H6PD: variants seen among roughly 807,000 people sequenced by gnomAD.
The protein encoded by H6PD is GDH/6PGL endoplasmic bifunctional protein.
In H6PD, 48 loss-of-function variants were observed where a neutral mutation model predicts 61.2. The observed-to-expected ratio is 0.78, with a 90% CI of 0.62 to 1.00. The LOEUF is 1.00. Ranked by LOEUF, H6PD falls within the 50% of genes least tolerant of loss-of-function variation. The pLI is 0.00. For missense variants in H6PD, 1,093 were observed against 1,065.0 expected (o/e 1.03, Z -0.37); for synonymous variants, 480 against 457.9 (o/e 1.05, Z -0.62).
chr1:9,262,952 C>T (rs528762747), intron 4 of H6PD, among the ~76,000 whole-genome samples: 2 of 152,318 alleles, frequency 1.3e-5, no homozygotes, highest in Admixed American at 6.5e-5. Flanking sequence ...ATGAACCAGG[C>T]TTGGAACTTG....
intron 1 of H6PD, among the ~76,000 whole-genome samples, chr1:9,243,867 C>CGAG (rs59754414): frequency 9.1e-6 from 1 of 109,784 alleles, no homozygotes; most frequent in African/African-American, 2.8e-5. Flanking sequence ...GAGGAAGAGG[C>CGAG]GGGGGCGGTG....
intron 1 of H6PD, among the ~76,000 whole-genome samples, chr1:9,238,603 A>T (rs1355967040): frequency 6.6e-6 from 1 of 152,244 alleles, no homozygotes; most frequent in African/African-American, 2.4e-5. Context: ...ACCTGGAAAG[A>T]TAGAGTTGTC....
chr1:9,237,150 G>A lies in H6PD; in HGVS notation c.-11+2084G>A, dbSNP rs149228685. On this transcript the variant is annotated intron_variant, in intron 1 of 4. Transcript: ENST00000377403. ...ATTCAGGGATGTAGTCACATTTTACGGGAAGGTTAGCTCTGGGACCAGACT... is the reference window on the plus strand; with the variant it reads ...ATTCAGGGATGTAGTCACATTTTACAGGAAGGTTAGCTCTGGGACCAGACT... 1.0e-3 allele frequency among the ~76,000 whole-genome samples: 158 copies of A among 151,768 alleles called. 3 individuals carry two copies. The highest frequency in any genetic ancestry group is 3.5e-3 in the African/African-American group (145 of 41,376).
chr1:9,259,297 T>G (rs1021589615), intron 3 of H6PD, among the ~76,000 whole-genome samples: 1 of 152,074 alleles, frequency 6.6e-6, no homozygotes, highest in African/African-American at 2.4e-5. Flanking sequence ...CACACCGGTG[T>G]TGTTATGTTG....
intron 1 of H6PD, among the ~76,000 whole-genome samples, chr1:9,239,060 T>TG (rs1640924498): frequency 6.6e-6 from 1 of 152,096 alleles, no homozygotes; most frequent in Non-Finnish European, 1.5e-5. Flanking sequence ...ATGGTTTTTT[T>TG]TTTTGAGACA....
chr1:9,243,311 CTT>C (rs1025134543), intron 1 of H6PD, among the ~76,000 whole-genome samples: 46 of 152,180 alleles, frequency 3.0e-4, no homozygotes, highest in Admixed American at 7.2e-4. Flanking sequence ...TAAGTTATCT[CTT>C]TAAACCTCAA....
intron 3 of H6PD, among the ~76,000 whole-genome samples, chr1:9,257,777 C>T (rs1641565206): frequency 6.6e-6 from 1 of 152,224 alleles, no homozygotes; most frequent in African/African-American, 2.4e-5. Context: ...AAACAAATCC[C>T]AGGTTAGGGG....
chr1:9,244,846 G>A, intron 1 of H6PD, 79 bp from the exon 2 acceptor site: 1 of 1,301,050 alleles, frequency 7.7e-7, no homozygotes, highest in African/African-American at 1.4e-5. Flanking sequence ...CAGGCAGGAA[G>A]TGTTTGTTTC....
intron 3 of H6PD, among the ~76,000 whole-genome samples, chr1:9,251,098 GT>G (rs1001728477): frequency 6.6e-6 from 1 of 152,182 alleles, no homozygotes; most frequent in African/African-American, 2.4e-5. Context: ...CCTGGCTGGG[GT>G]CTCGAAGCAG....
At chr1:9,238,985 G>A (rs1195017131) in intron 1 of H6PD, among the ~76,000 whole-genome samples, 2 of 152,072 alleles carry the variant, frequency 1.3e-5, no homozygotes, top group African/African-American at 4.8e-5. Context: ...AGATATTAGT[G>A]AAATGTAGTC....
At chr1:9,243,691 C>A (rs1229027846) in intron 1 of H6PD, among the ~76,000 whole-genome samples, 2 of 152,200 alleles carry the variant, frequency 1.3e-5, no homozygotes, top group African/African-American at 2.4e-5. Context: ...CCACCTTAGG[C>A]CTCTACTTCT....
At chr1:9,244,092 T>C (rs1396752970) in intron 1 of H6PD, among the ~76,000 whole-genome samples, 1 of 152,322 alleles carries the variant, frequency 6.6e-6, no homozygotes, top group African/African-American at 2.4e-5. Context: ...TCAGGATTCT[T>C]GTCTGGATTC....
intron 3 of H6PD, among the ~76,000 whole-genome samples, chr1:9,256,736 A>G (rs1641530841): frequency 6.6e-6 from 1 of 152,244 alleles, no homozygotes; most frequent in African/African-American, 2.4e-5. Context: ...ATACAGAACT[A>G]TGGTATAAGA....
rs1638418623 is a variant in H6PD, at chr1:9,263,653, C to T, written c.1160C>T (p.Ala387Val). The T allele has an allele frequency of 1.4e-5, 22 of 1,614,158 alleles. No homozygotes were observed. The highest frequency in any genetic ancestry group is 1.7e-5 in the Non-Finnish European group (20 of 1,180,018). ...ACCVQSEKHW[A>V]AAQSQCLPRQ... ...TGTGTGCAGAGCGAAAAGCACTGGG[C>T]CGCGGCGCAGAGCCAGTGCCTGCCC... The change falls in exon 5 of 5, where the codon GCC (alanine) becomes GTC (valine). Residue 387 changes from alanine (A) to valine (V), a missense_variant. Transcript: ENST00000377403.
chr1:9,256,710 A>T (rs1388389766), intron 3 of H6PD, among the ~76,000 whole-genome samples: 1 of 152,228 alleles, frequency 6.6e-6, no homozygotes, highest in African/African-American at 2.4e-5. Flanking sequence ...TAAAGTTTAC[A>T]GAATGCATGG....
At chr1:9,248,421 C>T (rs896834056) in intron 3 of H6PD, among the ~76,000 whole-genome samples, 2 of 152,178 alleles carry the variant, frequency 1.3e-5, no homozygotes, top group African/African-American at 4.8e-5. Flanking sequence ...CAAAACTCAG[C>T]CTCTCAGATA....
intron 3 of H6PD, among the ~76,000 whole-genome samples, chr1:9,259,476 GTGT>G (rs1225749563): frequency 1.3e-5 from 2 of 152,110 alleles, no homozygotes; most frequent in Non-Finnish European, 2.9e-5. Context: ...TGTTATGCTG[GTGT>G]TGTTATATTG....
rs1467013982 is a variant in H6PD at position 9,270,462 on chromosome 1, A to T, written c.*5593A>T. 1 of 152,198 alleles carries T rather than the reference A, an allele frequency of 6.6e-6. No individual in the cohort carries two copies. Among genetic ancestry groups the T allele is most frequent in the African/African-American group, 2.4e-5 (1 of 41,448 alleles). 9.4% of individuals were successfully genotyped at this position (152,198 alleles called of 1,614,324 possible). On this transcript the variant is annotated 3_prime_UTR_variant, in exon 5 of 5. Transcript: ENST00000377403. ...GGAGGAAGGACCTGTATTAGCTGGA[A>T]ATCATCAGGAACCCAGCTTGCCTCC... is the stretch of plus-strand genomic sequence containing the variant.
Position 9,247,093 on chromosome 1 carries a change from T to G in H6PD, c.745+10T>G. The G allele has an allele frequency of 1.3e-6, 2 of 1,542,706 alleles. No individual in the cohort carries two copies. The highest frequency in any genetic ancestry group is 9.0e-7 in the Non-Finnish European group (1 of 1,114,758). The stretch of plus-strand genomic sequence containing the variant: ...ACCGTGGATGCTGAAGGTGTGTGAG[T>G]GGCCCTGCGCACTCGGTCCCCCAGC... On this transcript the variant is annotated intron_variant, in intron 3 of 4. Transcript: ENST00000377403.
Sources: gnomAD v4.1 joint callset for allele counts (sites outside exome capture counted in the v4.1 genomes callset) on GRCh38, gnomAD v4.1.1 for gene constraint, MANE v1.5 for transcripts, NCBI Gene and HGNC (gene_info 2026-07-23, HGNC 2026-07-21) for gene names.